WDR36: variants seen among roughly 807,000 people sequenced by gnomAD.
WDR36 encodes the protein WD repeat domain 36.
In WDR36, 63 loss-of-function variants were observed where a neutral mutation model predicts 112.7. That is an observed-to-expected ratio of 0.56 (90% CI 0.46 to 0.69). The LOEUF (loss-of-function observed/expected upper bound fraction) is 0.69, where lower values mean the gene tolerates loss of function less well. WDR36 is among the 30% of genes least tolerant of loss of function. The pLI is 0.00. For synonymous variants in WDR36, 410 were observed against 362.2 expected (o/e 1.13, Z -1.50); for missense variants, 1,226 against 1,070.3 (o/e 1.15, Z -2.03).
rs113276488 is a variant in WDR36 at position 111,105,404 on chromosome 5, A to G, written c.1093+44A>G. The stretch of plus-strand genomic sequence containing the variant: ...AAAATAAGCTGGTCACGAAAGAAAC[A>G]TTTCAACATTCTATGAAACAACTGG... On this transcript the variant is annotated intron_variant, in intron 10 of 22. Transcript: ENST00000513710. The G allele has an allele frequency of 2.2e-5, 34 of 1,543,896 alleles. No homozygotes were observed. The African/African-American group carries it at 2.9e-4, about 13-fold the overall frequency.
intron 21 of WDR36, among the ~76,000 whole-genome samples, chr5:111,124,838 G>A (rs2112592510): frequency 6.6e-6 from 1 of 152,268 alleles, no homozygotes; most frequent in East Asian, 1.9e-4. Context: ...GAATGATACT[G>A]ATGAGCCCTT....
rs573335815 is a variant in WDR36 at position 111,128,761 on chromosome 5, G to A, written c.*1878G>A. 9 of 181,962 alleles carry A rather than the reference G, an allele frequency of 4.9e-5. No individual in the cohort carries two copies. The highest frequency in any genetic ancestry group is 2.1e-4 in the African/African-American group (9 of 42,592). The allele number at this position is 181,962 out of a possible 1,614,324, so 11.3% of individuals were successfully genotyped here. The stretch of plus-strand genomic sequence containing the variant: ...TACTGTTTCCATCAAGGGAGGGAAA[G>A]AAATAGAAAATATAATTTTATCTAT... On this transcript the variant is annotated 3_prime_UTR_variant, in exon 23 of 23. Coordinates refer to ENST00000513710, the MANE Select transcript of WDR36 (RefSeq NM_139281.3).
At chr5:111,120,690 A>G (rs1753546356) in intron 18 of WDR36, 97 bp downstream of exon 18, 1 of 1,028,942 alleles carries the variant, frequency 9.7e-7, no homozygotes. Context: ...GCATTCAATC[A>G]AAGTGTTTTT....
In WDR36 at chr5:111,120,461, A is replaced by AT. The variant is rs755613887; in HGVS notation, c.1905-30dup. ...GTTTCTCTGAAAGAAACTTTTTATAATTTTTAAAATATTGCTTATGTTTTG... is the reference window on the plus strand; with the variant it reads ...GTTTCTCTGAAAGAAACTTTTTATAATTTTTTAAAATATTGCTTATGTTTTG... On this transcript the variant is annotated intron_variant, in intron 17 of 22. Transcript: ENST00000513710. 6 of 1,536,998 alleles carry AT rather than the reference A, an allele frequency of 3.9e-6. No individual in the cohort carries two copies. In the African/African-American group the frequency reaches 8.2e-5, roughly 21 times the overall value.
intron 16 of WDR36, among the ~76,000 whole-genome samples, chr5:111,113,489 T>G (rs1227902461): frequency 6.6e-6 from 1 of 152,122 alleles, no homozygotes; most frequent in African/African-American, 2.4e-5. Flanking sequence ...GGCAAACTTT[T>G]GAGTTTTTTT....
intron 6 of WDR36, among the ~76,000 whole-genome samples, chr5:111,102,696 A>G (rs971183342): frequency 6.6e-6 from 1 of 151,710 alleles, no homozygotes; most frequent in Non-Finnish European, 1.5e-5. Flanking sequence ...TGTCTTGTGT[A>G]GACTGGAAAT....
At chr5:111,115,880 GCCACTACCA>G (rs879585466) in intron 16 of WDR36, among the ~76,000 whole-genome samples, 1 of 151,980 alleles carries the variant, frequency 6.6e-6, no homozygotes, top group Admixed American at 6.6e-5. Context: ...TCATTCCTCT[GCCACTACCA>G]CCACCTTTTA....
At position 111,127,644 on chromosome 5, in the gene WDR36, G is replaced by A. The variant is rs1029398994; in HGVS notation, c.*761G>A. ...CATTGTAATGTACTGAAAGGAAGTT[G>A]TTCATGGATCAGAAATGTGGGAGGC... is the stretch of plus-strand genomic sequence containing the variant. On this transcript the variant is annotated 3_prime_UTR_variant, in exon 23 of 23. Coordinates refer to ENST00000513710, the MANE Select transcript of WDR36 (RefSeq NM_139281.3). 3 of 210,400 alleles carry A rather than the reference G, an allele frequency of 1.4e-5. No individual in the cohort carries two copies. Among genetic ancestry groups the A allele is most frequent in the Non-Finnish European group, 2.9e-5 (3 of 103,586 alleles). The allele number at this position is 210,400 out of a possible 1,614,324, so 13.0% of individuals were successfully genotyped here.
rs372157518 is a variant in WDR36, at chr5:111,107,282, A to G, written c.1181-12A>G. ...AAAAGTAATTTGATTTATGATTTTC[A>G]TTACGTTTTAGAGGAAGCTCGTGAA... On this transcript the variant is annotated splice_polypyrimidine_tract_variant and intron_variant, in intron 11 of 22. Transcript: ENST00000513710. The G allele has an allele frequency of 3.7e-6, 6 of 1,607,910 alleles. No homozygotes were observed. Among genetic ancestry groups the G allele is most frequent in the Non-Finnish European group, 5.1e-6 (6 of 1,176,194 alleles).
At chr5:111,102,267 C>T (rs1673364899) in intron 5 of WDR36, 78 bp from the exon 6 acceptor site, 2 of 1,074,058 alleles carry the variant, frequency 1.9e-6, no homozygotes, top group South Asian at 1.4e-5. Context: ...ATTATTATTT[C>T]ACTTTTTAAT....
rs868623183 is a variant in WDR36, at chr5:111,113,296, A to G, written c.1796+143A>G. ...GATTTTTCTGACATGACTATATTGT[A>G]TCCTTGGAGTGTTTTTGATAACTAA... On this transcript the variant is annotated intron_variant, in intron 16 of 22. Transcript: ENST00000513710. 12 of 412,518 alleles carry G rather than the reference A, an allele frequency of 2.9e-5. No homozygotes were observed. In the Middle Eastern group the frequency reaches 2.6e-3, roughly 89 times the overall value. 25.6% of individuals were successfully genotyped at this position (412,518 alleles called of 1,614,324 possible). A position where few individuals can be genotyped will look rare whatever the true frequency, so the allele number is the denominator to read the frequency against.
chr5:111,093,592 A>G (rs1752914606), intron 1 of WDR36, among the ~76,000 whole-genome samples: 1 of 152,188 alleles, frequency 6.6e-6, no homozygotes, highest in South Asian at 2.1e-4. Context: ...ATGTGAAAGT[A>G]TTTAGTGTTA....
chr5:111,114,219 G>C (rs1200672099), intron 16 of WDR36, among the ~76,000 whole-genome samples: 2 of 152,092 alleles, frequency 1.3e-5, no homozygotes, highest in African/African-American at 4.8e-5. Context: ...ATTTAACATA[G>C]GATTGCTTAG....
intron 6 of WDR36, among the ~76,000 whole-genome samples, chr5:111,102,675 A>G (rs550935836): frequency 6.6e-6 from 1 of 151,838 alleles, no homozygotes; most frequent in African/African-American, 2.4e-5. Flanking sequence ...TTGCAAGTAT[A>G]TGTAGTCCAT....
rs757848923 is a variant in WDR36 at position 111,092,627 on chromosome 5, C to T, written c.162+9C>T. 1.2e-6 allele frequency: 2 copies of T among 1,611,162 alleles called. No homozygotes were observed. The highest frequency in any genetic ancestry group is 3.3e-5 in the Admixed American group (2 of 59,930). ...GTTTCCACACCTATGACGTGAGTGA[C>T]TTCTTTTGTTAGCTTCCCAGGAAAA... On this transcript the variant is annotated intron_variant, in intron 1 of 22. Coordinates refer to ENST00000513710, the MANE Select transcript of WDR36 (RefSeq NM_139281.3).
chr5:111,104,852 G>A, intron 9 of WDR36, 35 bp downstream of exon 9: 1 of 1,609,144 alleles, frequency 6.2e-7, no homozygotes, highest in South Asian at 1.1e-5. Flanking sequence ...GTTTATTTCA[G>A]CAAGTATTGA....
intron 14 of WDR36, 45 bp downstream of exon 14, chr5:111,110,998 AAAAGTCAT>A (rs776155305): frequency 6.2e-7 from 1 of 1,605,074 alleles, no homozygotes; most frequent in South Asian, 1.1e-5. Context: ...TTCTTTTGGT[AAAAGTCAT>A]AAAGTCACAA....
rs968645095 is a variant in WDR36 at position 111,127,108 on chromosome 5, G to A, written c.*225G>A. On this transcript the variant is annotated 3_prime_UTR_variant, in exon 23 of 23. Coordinates refer to ENST00000513710, the MANE Select transcript of WDR36 (RefSeq NM_139281.3). ...TTCCAGCACTTTCAGAGGCCAAAGC[G>A]GGAGGATTGCTTGAAGCCAGGAATT... 2.2e-5 allele frequency: 9 copies of A among 411,322 alleles called. No individual in the cohort carries two copies. The highest frequency in any genetic ancestry group is 6.2e-5 in the African/African-American group (3 of 48,524). The allele number at this position is 411,322 out of a possible 1,614,324, so 25.5% of individuals were successfully genotyped here.
rs11956837 is a variant in WDR36 at position 111,119,059 on chromosome 5, A to G, written c.1843A>G (p.Met615Val). Residue 615 changes from methionine to valine, a missense_variant, in exon 17 of 23, where the codon ATG becomes GTG. Physicochemically the swap from Met to Val is conservative, Grantham distance 21. Transcript: ENST00000513710. ...LLDSAPLNVS[M>V]SPTGDFLATS... Reference sequence around the variant, plus strand: ...GGACTCGGCTCCTCTCAATGTTTCTATGTCTCCTACTGGAGACTTTCTGGC... The same window carrying G: ...GGACTCGGCTCCTCTCAATGTTTCTGTGTCTCCTACTGGAGACTTTCTGGC... 6,942 of 1,613,560 alleles carry G rather than the reference A, an allele frequency of 4.3e-3. 260 individuals carry two copies. The African/African-American group carries it at 0.081, about 19-fold the overall frequency.
Sources: gnomAD v4.1 joint callset for allele counts (sites outside exome capture counted in the v4.1 genomes callset) on GRCh38, gnomAD v4.1.1 for gene constraint, MANE v1.5 for transcripts, NCBI Gene and HGNC (gene_info 2026-07-23, HGNC 2026-07-21) for gene names.